Variants in KIF16B observed in about 807,000 individuals in gnomAD.
KIF16B encodes the protein kinesin-like protein KIF16B.
KIF16B carries 98 observed loss-of-function variants against 156.3 expected under a neutral mutation model. The ratio of observed to expected loss-of-function variants is 0.63; its 90% CI spans 0.53 to 0.74. The LOEUF (loss-of-function observed/expected upper bound fraction) is 0.74, where lower values mean the gene tolerates loss of function less well. Ranked by LOEUF, KIF16B falls within the 30% of genes least tolerant of loss-of-function variation. KIF16B has a pLI of 0.00. For synonymous variants in KIF16B, 564 were observed against 583.7 expected (o/e 0.97, Z 0.49); for missense variants, 1,421 against 1,606.5 (o/e 0.88, Z 1.97).
chr20:16,362,810 T>C (rs944786404), intron 22 of KIF16B, among the ~76,000 whole-genome samples: 8 of 152,330 alleles, frequency 5.3e-5, no homozygotes, highest in African/African-American at 1.9e-4. Flanking sequence ...AAGTCCTACA[T>C]TGTAAACCAC....
At chr20:16,485,973 G>A (rs891827033) in intron 12 of KIF16B, among the ~76,000 whole-genome samples, 2 of 151,846 alleles carry the variant, frequency 1.3e-5, no homozygotes, top group African/African-American at 4.8e-5. Context: ...TAATAGAACT[G>A]AAAAAAATCT....
At chr20:16,549,543 T>C (rs2070556285) in intron 1 of KIF16B, among the ~76,000 whole-genome samples, 1 of 152,158 alleles carries the variant, frequency 6.6e-6, no homozygotes, top group South Asian at 2.1e-4. Context: ...TATAGTCCTT[T>C]GGGTATATAC....
At chr20:16,495,196 C>T (rs920668569) in intron 11 of KIF16B, among the ~76,000 whole-genome samples, 2 of 152,154 alleles carry the variant, frequency 1.3e-5, no homozygotes, top group Non-Finnish European at 2.9e-5. Context: ...CTTTTCCTTT[C>T]AGCACCTTTA....
At chr20:16,505,956 C>T in intron 8 of KIF16B, 66 bp downstream of exon 8, 2 of 1,606,118 alleles carry the variant, frequency 1.2e-6, no homozygotes, top group Non-Finnish European at 1.7e-6. Context: ...CAGTTTGCAA[C>T]CCAAATATTA....
intron 12 of KIF16B, among the ~76,000 whole-genome samples, chr20:16,459,822 T>C (rs942535472): frequency 1.3e-5 from 2 of 152,148 alleles, no homozygotes; most frequent in African/African-American, 4.8e-5. Flanking sequence ...TGAAAGTCCC[T>C]AAAACATTCC....
chr20:16,468,083 T>G (rs2067546267), intron 12 of KIF16B, among the ~76,000 whole-genome samples: 1 of 152,172 alleles, frequency 6.6e-6, no homozygotes, highest in Admixed American at 6.5e-5. Context: ...ACATACATTT[T>G]CAGAGTGGAT....
chr20:16,306,690 C>T (rs549544515), intron 25 of KIF16B, among the ~76,000 whole-genome samples: 2 of 152,028 alleles, frequency 1.3e-5, no homozygotes, highest in Non-Finnish European at 2.9e-5. Context: ...TTTGCCTTCC[C>T]CTGGCTCTTA....
At chr20:16,364,634 G>A (rs1418122470) in intron 22 of KIF16B, among the ~76,000 whole-genome samples, 1 of 152,184 alleles carries the variant, frequency 6.6e-6, no homozygotes, top group Non-Finnish European at 1.5e-5. Context: ...GGCTTCCACA[G>A]GCATCACGAC....
chr20:16,430,736 G>C (rs2066474584), intron 12 of KIF16B, among the ~76,000 whole-genome samples: 3 of 151,580 alleles, frequency 2.0e-5, no homozygotes, highest in Admixed American at 2.0e-4. Context: ...CTCTTGACTT[G>C]ACCTGCCATC....
At position 16,339,246 on chromosome 20, in the gene KIF16B, C is replaced by T. The variant is rs753281279; in HGVS notation, c.3622-3231G>A. Among the ~76,000 whole-genome samples the T allele has an allele frequency of 1.1e-4, 17 of 152,132 alleles. No individual in the cohort carries two copies. The East Asian group carries it at 1.7e-3, about 16-fold the overall frequency. ...CCACTGGTCAATTTTTGGTTTTGAT[C>T]GTACTCAGTCTATGGGAAGGATCTG... On this transcript the variant is annotated intron_variant, in intron 23 of 25. Coordinates refer to ENST00000354981, the MANE Select transcript of KIF16B (RefSeq NM_024704.5).
intron 22 of KIF16B, among the ~76,000 whole-genome samples, chr20:16,365,177 A>G (rs1171505206): frequency 6.6e-6 from 1 of 152,170 alleles, no homozygotes; most frequent in Non-Finnish European, 1.5e-5. Flanking sequence ...ATATGAGAAA[A>G]TACTGGATGG....
intron 1 of KIF16B, among the ~76,000 whole-genome samples, chr20:16,561,077 G>A (rs2071040972): frequency 6.6e-6 from 1 of 151,926 alleles, no homozygotes; most frequent in Non-Finnish European, 1.5e-5. Flanking sequence ...GTCACCTGAG[G>A]TCAGGAGTTC....
intron 3 of KIF16B, among the ~76,000 whole-genome samples, chr20:16,519,948 A>C (rs1201286883): frequency 6.6e-6 from 1 of 152,142 alleles, no homozygotes; most frequent in African/African-American, 2.4e-5. Context: ...AGCCAAGGGA[A>C]GCCATGAGGG....
intron 25 of KIF16B, among the ~76,000 whole-genome samples, chr20:16,288,098 C>T (rs1267423601): frequency 6.6e-6 from 1 of 152,214 alleles, no homozygotes; most frequent in Non-Finnish European, 1.5e-5. Flanking sequence ...TTCTTCAGCA[C>T]TGGAAGAAGC....
chr20:16,323,169 T>C (rs1013455403), intron 24 of KIF16B, among the ~76,000 whole-genome samples: 5 of 152,008 alleles, frequency 3.3e-5, no homozygotes, highest in African/African-American at 1.2e-4. Context: ...TTACTAGTCA[T>C]TTTCTTTACT....
intron 15 of KIF16B, among the ~76,000 whole-genome samples, chr20:16,410,092 TAC>T (rs2065901909): frequency 8.0e-6 from 1 of 125,230 alleles, no homozygotes; most frequent in African/African-American, 3.2e-5. Flanking sequence ...TATATGTAGG[TAC>T]ATATATATAT....
At chr20:16,332,854 T>C (rs938023753) in intron 24 of KIF16B, among the ~76,000 whole-genome samples, 66 of 152,210 alleles carry the variant, frequency 4.3e-4, no homozygotes, top group African/African-American at 1.6e-3. Flanking sequence ...TTTAGGCTTA[T>C]ATCCTTCATC....
intron 25 of KIF16B, among the ~76,000 whole-genome samples, chr20:16,309,497 T>G (rs1035416758): frequency 2.6e-5 from 4 of 152,204 alleles, no homozygotes; most frequent in African/African-American, 9.7e-5. Flanking sequence ...ATCCATCATT[T>G]CTAAAAATAA....
At chr20:16,391,853 G>A (rs1047402352) in intron 17 of KIF16B, among the ~76,000 whole-genome samples, 1 of 152,138 alleles carries the variant, frequency 6.6e-6, no homozygotes, top group African/African-American at 2.4e-5. Context: ...TCCCCACCTG[G>A]CTGACCATGT....
Sources: gnomAD v4.1 joint callset for allele counts (sites outside exome capture counted in the v4.1 genomes callset) on GRCh38, gnomAD v4.1.1 for gene constraint, MANE v1.5 for transcripts, NCBI Gene and HGNC (gene_info 2026-07-23, HGNC 2026-07-21) for gene names.